Variants in PDZRN4 observed in about 807,000 individuals in gnomAD.
PDZRN4 encodes PDZ domain-containing RING finger protein 4.
In PDZRN4, 70 loss-of-function variants were observed where a neutral mutation model predicts 99.0. The observed-to-expected ratio is 0.71, with a 90% confidence interval of 0.58 to 0.86. The LOEUF (loss-of-function observed/expected upper bound fraction) is 0.86. Among genes scored for constraint, PDZRN4 ranks in the 40% least tolerant of loss-of-function variants. The pLI is 0.00. For synonymous variants in PDZRN4, 551 were observed against 501.6 expected (o/e 1.10, Z -1.32); for missense variants, 1,474 against 1,331.2 (o/e 1.11, Z -1.67).
At position 41,515,839 on chromosome 12, in the gene PDZRN4, C is replaced by T. The variant is rs76080931; in HGVS notation, c.1203+5926C>T. On this transcript the variant is annotated intron_variant, in intron 5 of 9. Coordinates refer to ENST00000402685, the MANE Select transcript of PDZRN4 (RefSeq NM_001164595.2). ...AGATCAAACCTTCTCAAGTGTGACT[C>T]TCATTGGTTTACTCCTTTGTTTATC... Among the ~76,000 whole-genome samples, 712 of 151,980 alleles carry T rather than the reference C, an allele frequency of 4.7e-3. 7 individuals are homozygous for T. Among genetic ancestry groups the T allele is most frequent in the African/African-American group, 0.016 (661 of 41,454 alleles).
chr12:41,482,859 G>T (rs1937698956), intron 3 of PDZRN4, among the ~76,000 whole-genome samples: 1 of 152,038 alleles, frequency 6.6e-6, no homozygotes, highest in South Asian at 2.1e-4. Flanking sequence ...GATGAGTGAG[G>T]CTGGGTATGA....
At chr12:41,263,810 C>T (rs1446610499) in intron 3 of PDZRN4, among the ~76,000 whole-genome samples, 1 of 152,138 alleles carries the variant, frequency 6.6e-6, no homozygotes, top group Non-Finnish European at 1.5e-5. Flanking sequence ...CTAGTATAAA[C>T]TATACAATAA....
chr12:41,348,859 A>G (rs190154218), intron 3 of PDZRN4, among the ~76,000 whole-genome samples: 90 of 152,148 alleles, frequency 5.9e-4, no homozygotes, highest in African/African-American at 2.1e-3. Context: ...CTATTTGTCA[A>G]GTTTTGGTGT....
chr12:41,206,554 T>C (rs1364185664), intron 3 of PDZRN4, among the ~76,000 whole-genome samples: 2 of 151,372 alleles, frequency 1.3e-5, no homozygotes, highest in African/African-American at 4.8e-5. Flanking sequence ...ATTAATAAAT[T>C]AATAATTTAT....
intron 3 of PDZRN4, among the ~76,000 whole-genome samples, chr12:41,310,256 T>TTGTG (rs67129655): frequency 4.7e-5 from 7 of 149,962 alleles, no homozygotes; most frequent in South Asian, 4.2e-4. Context: ...TCATTTTTGT[T>TTGTG]TGTGTGTGTG....
At chr12:41,548,595 T>C (rs1213516830) in intron 5 of PDZRN4, among the ~76,000 whole-genome samples, 4 of 152,226 alleles carry the variant, frequency 2.6e-5, no homozygotes, top group Non-Finnish European at 4.4e-5. Flanking sequence ...TGACTGCATT[T>C]GAATTTTCTT....
intron 3 of PDZRN4, among the ~76,000 whole-genome samples, chr12:41,250,482 A>C (rs1951161900): frequency 6.6e-6 from 1 of 152,230 alleles, no homozygotes; most frequent in African/African-American, 2.4e-5. Context: ...ACCTCCATCA[A>C]GTTCAAGATA....
At chr12:41,434,636 T>C (rs1399789492) in intron 3 of PDZRN4, among the ~76,000 whole-genome samples, 1 of 152,202 alleles carries the variant, frequency 6.6e-6, no homozygotes, top group East Asian at 1.9e-4. Flanking sequence ...GTCTAGATCT[T>C]GACAAATGTG....
chr12:41,563,689 A>G (rs1003052665), intron 8 of PDZRN4, 40 bp downstream of exon 8: 6 of 1,231,908 alleles, frequency 4.9e-6, no homozygotes, highest in Non-Finnish European at 7.1e-6. Flanking sequence ...TGAACTTTAT[A>G]TTCATTGAAT....
chr12:41,534,966 C>T (rs935390244), intron 5 of PDZRN4, among the ~76,000 whole-genome samples: 7 of 151,604 alleles, frequency 4.6e-5, no homozygotes, highest in African/African-American at 1.7e-4. Flanking sequence ...TCTAATCTAC[C>T]TTCTAGTTCA....
At chr12:41,483,915 C>T (rs1196637329) in intron 3 of PDZRN4, among the ~76,000 whole-genome samples, 1 of 152,116 alleles carries the variant, frequency 6.6e-6, no homozygotes, top group Non-Finnish European at 1.5e-5. Context: ...GACATGTGAA[C>T]TTACATTCTT....
At chr12:41,410,864 C>T (rs1449859572) in intron 3 of PDZRN4, among the ~76,000 whole-genome samples, 3 of 151,832 alleles carry the variant, frequency 2.0e-5, no homozygotes, top group Non-Finnish European at 4.4e-5. Context: ...GCAAGTGAAG[C>T]GTAGGTTTTG....
chr12:41,199,680 A>G (rs1193879465), intron 3 of PDZRN4, among the ~76,000 whole-genome samples: 1 of 152,194 alleles, frequency 6.6e-6, no homozygotes, highest in East Asian at 1.9e-4. Context: ...CTGTGCCACC[A>G]TAAAAAACAA....
Position 41,574,152 on chromosome 12 carries a change from C to CA in PDZRN4, c.*270dup, listed in dbSNP as rs1306467344. On this transcript the variant is annotated 3_prime_UTR_variant, in exon 10 of 10. Transcript: ENST00000402685. Reference sequence around the variant, plus strand: ...AAATCAAAAACAAAAGGAAAGAAAACAAAAAAAACTTGCACAAAAATACTG... The same window carrying CA: ...AAATCAAAAACAAAAGGAAAGAAAACAAAAAAAAACTTGCACAAAAATACTG... 83 of 264,468 alleles carry CA rather than the reference C, an allele frequency of 3.1e-4. No individual in the cohort carries two copies. The highest frequency in any genetic ancestry group is 1.1e-3 in the Middle Eastern group (1 of 926). 16.4% of individuals were successfully genotyped at this position (264,468 alleles called of 1,614,324 possible).
At chr12:41,378,235 A>G (rs1304282283) in intron 3 of PDZRN4, among the ~76,000 whole-genome samples, 2 of 152,170 alleles carry the variant, frequency 1.3e-5, no homozygotes, top group Non-Finnish European at 2.9e-5. Flanking sequence ...TGAAATTATC[A>G]TTACAGATTT....
chr12:41,259,708 ATTGGCCGGACTGATTACTTTGCATCAT>A (rs1951224962), intron 3 of PDZRN4, among the ~76,000 whole-genome samples: 1 of 152,170 alleles, frequency 6.6e-6, no homozygotes, highest in Non-Finnish European at 1.5e-5. Context: ...ATATGAGTAT[ATTGGCCGGACTGATTACTTTGCATCAT>A]GTAATTAGTT....
At chr12:41,200,001 C>T (rs1013291507) in intron 3 of PDZRN4, among the ~76,000 whole-genome samples, 5 of 152,082 alleles carry the variant, frequency 3.3e-5, no homozygotes, top group African/African-American at 1.2e-4. Context: ...ATTTGTAACC[C>T]CTAAATCTAT....
At chr12:41,415,267 G>A (rs558386394) in intron 3 of PDZRN4, among the ~76,000 whole-genome samples, 1 of 151,202 alleles carries the variant, frequency 6.6e-6, no homozygotes, top group Non-Finnish European at 1.5e-5. Context: ...GTAGACATAT[G>A]GGTGGAATTG....
chr12:41,313,765 G>A (rs540546128), intron 3 of PDZRN4, among the ~76,000 whole-genome samples: 1 of 152,342 alleles, frequency 6.6e-6, no homozygotes, highest in East Asian at 1.9e-4. Flanking sequence ...AGGAGGAAGT[G>A]TTACATCTAC....
Sources: gnomAD v4.1 joint callset for allele counts (sites outside exome capture counted in the v4.1 genomes callset) on GRCh38, gnomAD v4.1.1 for gene constraint, MANE v1.5 for transcripts, NCBI Gene and HGNC (gene_info 2026-07-23, HGNC 2026-07-21) for gene names.